The following CDADC1 variants were observed in gnomAD, a reference collection of about 807,000 sequenced individuals.
The protein encoded by CDADC1 is dCTP deaminase.
CDADC1 carries 39 observed loss-of-function variants against 54.9 expected under a neutral mutation model. That is an observed-to-expected ratio of 0.71 (90% CI 0.55 to 0.93). The LOEUF is 0.93. Among genes scored for constraint, CDADC1 ranks in the 40% least tolerant of loss-of-function variants. The pLI, the probability that CDADC1 is intolerant of heterozygous loss-of-function variation, is 0.00. For missense variants in CDADC1, 518 were observed against 618.8 expected, an observed-to-expected ratio of 0.84 and a Z score of 1.73; for synonymous variants, 186 against 204.0, an observed-to-expected ratio of 0.91 and a Z score of 0.75.
intron 2 of CDADC1, among the ~76,000 whole-genome samples, chr13:49,254,152 C>CAT (rs982470643): frequency 6.6e-6 from 1 of 152,142 alleles, no homozygotes; most frequent in Non-Finnish European, 1.5e-5. Flanking sequence ...TATCATCACT[C>CAT]ATATATATAA....
intron 4 of CDADC1, among the ~76,000 whole-genome samples, chr13:49,266,562 C>T (rs1271632028): frequency 1.3e-5 from 2 of 152,132 alleles, no homozygotes; most frequent in African/African-American, 2.4e-5. Context: ...CTTCAGACAC[C>T]ATCCCAACAT....
chr13:49,291,678 T>A lies in CDADC1; in HGVS notation c.1472-6T>A, dbSNP rs757168029. ...TGTCCTGACCTAGCGTTATTCTCAATGCTAGATGGTGTGTTGAGACCTGTC... is the reference window on the plus strand; with the variant it reads ...TGTCCTGACCTAGCGTTATTCTCAAAGCTAGATGGTGTGTTGAGACCTGTC... On this transcript the variant is annotated splice_region_variant and splice_polypyrimidine_tract_variant and intron_variant, in intron 9 of 9. Transcript: ENST00000251108. 1.2e-6 allele frequency: 2 copies of A among 1,613,480 alleles called. No individual in the cohort carries two copies. Among genetic ancestry groups the A allele is most frequent in the Admixed American group, 3.3e-5 (2 of 59,842 alleles).
intron 4 of CDADC1, among the ~76,000 whole-genome samples, chr13:49,262,679 C>T (rs751660211): frequency 6.7e-4 from 102 of 152,058 alleles, no homozygotes; most frequent in Non-Finnish European, 1.1e-3. Context: ...TACAAGCGTG[C>T]ACCAGCATGC....
rs34176559 is a variant in CDADC1, at chr13:49,264,720, T to TA, written c.431-2755dup. 3.9e-3 allele frequency among the ~76,000 whole-genome samples: 552 copies of TA among 142,208 alleles called. 4 individuals are homozygous for TA. Among genetic ancestry groups the TA allele is most frequent in the African/African-American group, 0.01 (388 of 38,574 alleles). The allele number at this position is 142,208 out of a possible 152,430, so 93.3% of individuals were successfully genotyped here. A position where few individuals can be genotyped will look rare whatever the true frequency, so the allele number is the denominator to read the frequency against. ...CTTGGGTGACAGACTGGTCTCTATTTAAAAAAAAAAAAAAAGGTATAGTGA... is the reference window on the plus strand; with the variant it reads ...CTTGGGTGACAGACTGGTCTCTATTTAAAAAAAAAAAAAAAAGGTATAGTGA... On this transcript the variant is annotated intron_variant, in intron 4 of 9. Coordinates refer to ENST00000251108, the MANE Select transcript of CDADC1 (RefSeq NM_030911.4).
chr13:49,248,264 C>T, intron 1 of CDADC1, 145 bp downstream of exon 1: 2 of 702,006 alleles, frequency 2.8e-6, no homozygotes, highest in South Asian at 1.8e-5. Flanking sequence ...CTGCGTGTCC[C>T]CTCCGCGGTC....
In CDADC1 at chr13:49,270,263, C is replaced by A. The variant is rs148090460; in HGVS notation, c.1000+2204C>A. Among the ~76,000 whole-genome samples, 37 of 152,176 alleles carry A rather than the reference C, an allele frequency of 2.4e-4. 1 individual carries two copies. In the East Asian group the frequency reaches 5.6e-3, roughly 23 times the overall value. ...TTTGAGACAGGGTTTTACTCTGTTGCCCAGGCTGAGTGCAGTGGCACTCAT... is the reference window on the plus strand; with the variant it reads ...TTTGAGACAGGGTTTTACTCTGTTGACCAGGCTGAGTGCAGTGGCACTCAT... On this transcript the variant is annotated intron_variant, in intron 5 of 9. Transcript: ENST00000251108.
Position 49,288,549 on chromosome 13 carries a change from A to G in CDADC1, c.1471+2267A>G, listed in dbSNP as rs569554032. ...CTGGCCATTTCATATAAATGGAATC[A>G]TACAGTATGTAATTCCTTTCCAATT... On this transcript the variant is annotated intron_variant, in intron 9 of 9. Transcript: ENST00000251108. 3.2e-3 allele frequency among the ~76,000 whole-genome samples: 495 copies of G among 152,358 alleles called. 2 individuals are homozygous for G. Among genetic ancestry groups the G allele is most frequent in the African/African-American group, 0.011 (449 of 41,582 alleles).
At chr13:49,274,448 G>T in intron 6 of CDADC1, 108 bp downstream of exon 6, 1 of 739,818 alleles carries the variant, frequency 1.4e-6, no homozygotes, top group Non-Finnish European at 2.3e-6. Flanking sequence ...CAGATCACAA[G>T]GTCAGGAGAT....
chr13:49,272,657 C>CTTTTTT (rs1191602451), intron 5 of CDADC1, among the ~76,000 whole-genome samples: 26 of 133,012 alleles, frequency 2.0e-4, no homozygotes, highest in East Asian at 2.1e-4. Context: ...ATTTCTTTTT[C>CTTTTTT]TTTTTTTTTT....
rs760615065 is a variant in CDADC1, at chr13:49,274,683, AT to A, written c.1050+344del. On this transcript the variant is annotated intron_variant, in intron 6 of 9. Transcript: ENST00000251108. ...GAGACTCCGTCTCAAAAAAAAAAAA[AT>A]ATTAATATTTTTGTAATGGTGCATT... Among the ~76,000 whole-genome samples, 931 of 152,154 alleles carry A rather than the reference AT, an allele frequency of 6.1e-3. 6 individuals are homozygous for A. The highest frequency in any genetic ancestry group is 0.018 in the African/African-American group (742 of 41,520).
chr13:49,252,805 A>G (rs1952464127), intron 2 of CDADC1, among the ~76,000 whole-genome samples: 2 of 152,326 alleles, frequency 1.3e-5, no homozygotes, highest in South Asian at 4.1e-4. Context: ...TGGTACTGTT[A>G]CAGGGTTGAT....
chr13:49,248,134 C>T lies in CDADC1; in HGVS notation c.82+15C>T. 6.5e-7 allele frequency: 1 copy of T among 1,545,794 alleles called. No homozygotes were observed. The highest frequency in any genetic ancestry group is 8.8e-7 in the Non-Finnish European group (1 of 1,142,746). On this transcript the variant is annotated intron_variant, in intron 1 of 9. Coordinates refer to ENST00000251108, the MANE Select transcript of CDADC1 (RefSeq NM_030911.4). ...CAGCATGACCGGTGAGTGTCCGGGACCCTGCTCCCGCCACCCTACCTTTCG... is the reference window on the plus strand; with the variant it reads ...CAGCATGACCGGTGAGTGTCCGGGATCCTGCTCCCGCCACCCTACCTTTCG...
At chr13:49,256,070 CT>C (rs374949174) in intron 3 of CDADC1, among the ~76,000 whole-genome samples, 157 bp downstream of exon 3, 105 of 21,700 alleles carry the variant, frequency 4.8e-3, no homozygotes, top group Admixed American at 8.8e-3. Flanking sequence ...TATGTCACTC[CT>C]TTTTTTTAAA....
chr13:49,287,066 C>T (rs1297875706), intron 9 of CDADC1, among the ~76,000 whole-genome samples: 1 of 152,208 alleles, frequency 6.6e-6, no homozygotes, highest in Non-Finnish European at 1.5e-5. Context: ...TGGCACATGC[C>T]TGTAATCCCA....
intron 9 of CDADC1, among the ~76,000 whole-genome samples, chr13:49,287,611 T>C (rs1360804148): frequency 1.3e-5 from 2 of 152,086 alleles, no homozygotes; most frequent in African/African-American, 2.4e-5. Context: ...AGGGAAAGGA[T>C]ACAAAAAGCA....
chr13:49,291,926 C>A lies in CDADC1; in HGVS notation c.*169C>A. On this transcript the variant is annotated 3_prime_UTR_variant, in exon 10 of 10. Coordinates refer to ENST00000251108, the MANE Select transcript of CDADC1 (RefSeq NM_030911.4). ...AAATGGTGTTAATAAGAATATTTGT[C>A]TTTTAGATTTATGTGTGGGTTTTCC... 1 of 1,378,892 alleles carries A rather than the reference C, an allele frequency of 7.3e-7. No individual in the cohort carries two copies. The allele number at this position is 1,378,892 out of a possible 1,614,324, so 85.4% of individuals were successfully genotyped here. A position where few individuals can be genotyped will look rare whatever the true frequency, so the allele number is the denominator to read the frequency against.
At chr13:49,290,954 G>A (rs1433112155) in intron 9 of CDADC1, among the ~76,000 whole-genome samples, 1 of 152,104 alleles carries the variant, frequency 6.6e-6, no homozygotes, top group East Asian at 1.9e-4. Context: ...CCAGGAAGAG[G>A]TTGAAGCCAT....
intron 5 of CDADC1, among the ~76,000 whole-genome samples, chr13:49,272,465 C>T (rs968510250): frequency 2.0e-5 from 3 of 152,098 alleles, no homozygotes; most frequent in African/African-American, 7.2e-5. Context: ...TGTTCAGCCT[C>T]ATTTATTTCC....
intron 4 of CDADC1, among the ~76,000 whole-genome samples, chr13:49,263,444 G>A (rs1161990983): frequency 6.6e-6 from 1 of 152,118 alleles, no homozygotes; most frequent in Non-Finnish European, 1.5e-5. Flanking sequence ...TCATGCATGA[G>A]TAAAAGCCAT....
Sources: allele counts gnomAD v4.1 joint callset (sites outside exome capture counted in the v4.1 genomes callset), GRCh38; gene constraint gnomAD v4.1.1; transcripts MANE v1.5; gene names NCBI Gene and HGNC (gene_info 2026-07-23, HGNC 2026-07-21).